The following UBE3C variants were observed in gnomAD, a reference collection of about 807,000 sequenced individuals.
UBE3C encodes the protein ubiquitin-protein ligase E3C.
A neutral mutation model predicts 129.4 loss-of-function variants in UBE3C; 42 were observed. The observed-to-expected ratio is 0.32, with a 90% CI of 0.25 to 0.42. The LOEUF is 0.42. Among genes scored for constraint, UBE3C ranks in the 10% least tolerant of loss-of-function variants. The probability of loss-of-function intolerance (pLI) is 1.00; values close to 1 mark genes in which losing one functional copy is unlikely to be tolerated. For synonymous variants in UBE3C, 510 were observed against 492.4 expected, an observed-to-expected ratio of 1.04 and a Z score of -0.47; for missense variants, 1,049 against 1,319.1, an observed-to-expected ratio of 0.80 and a Z score of 3.17.
At chr7:157,146,410 C>T (rs1236394871) in intron 1 of UBE3C, among the ~76,000 whole-genome samples, 2 of 151,734 alleles carry the variant, frequency 1.3e-5, no homozygotes, top group Admixed American at 6.6e-5. Flanking sequence ...CTAGTACAGA[C>T]GGGGGTTTCA....
intron 4 of UBE3C, among the ~76,000 whole-genome samples, chr7:157,171,218 C>T (rs554774748): frequency 4.6e-5 from 7 of 152,204 alleles, no homozygotes; most frequent in East Asian, 1.9e-4. Flanking sequence ...CTTCCCCTCC[C>T]GGGCTCAAGC....
At chr7:157,192,911 G>T in intron 10 of UBE3C, 1 of 692,450 alleles carries the variant, frequency 1.4e-6, no homozygotes. Flanking sequence ...TTGAGGTAGT[G>T]AATGCCACTT....
chr7:157,219,289 T>G (rs1015534073), intron 14 of UBE3C, among the ~76,000 whole-genome samples: 1 of 152,184 alleles, frequency 6.6e-6, no homozygotes, highest in Non-Finnish European at 1.5e-5. Context: ...TGCTTAGTGA[T>G]TTAATTGATT....
At chr7:157,149,942 G>A (rs1030155798) in intron 1 of UBE3C, among the ~76,000 whole-genome samples, 2 of 152,122 alleles carry the variant, frequency 1.3e-5, no homozygotes, top group Non-Finnish European at 2.9e-5. Flanking sequence ...TTTACCATTT[G>A]TCAGCATGAA....
At chr7:157,144,874 A>G (rs1807562811) in intron 1 of UBE3C, among the ~76,000 whole-genome samples, 1 of 152,156 alleles carries the variant, frequency 6.6e-6, no homozygotes. Flanking sequence ...TGAAGTCCAT[A>G]GTGTACATTC....
rs192005607 is a variant in UBE3C at position 157,171,423 on chromosome 7, C to G, written c.342+973C>G. On this transcript the variant is annotated intron_variant, in intron 4 of 22. Coordinates refer to ENST00000348165, the MANE Select transcript of UBE3C (RefSeq NM_014671.3). ...AATTATAAGCATAAGCCACCATGCCCAGCCTTAGGGTCTCATGTTTTTAAA... is the reference window on the plus strand; with the variant it reads ...AATTATAAGCATAAGCCACCATGCCGAGCCTTAGGGTCTCATGTTTTTAAA... 2.0e-3 allele frequency among the ~76,000 whole-genome samples: 298 copies of G among 151,976 alleles called. 1 individual carries two copies. Among genetic ancestry groups the G allele is most frequent in the African/African-American group, 6.6e-3 (275 of 41,466 alleles).
At chr7:157,240,869 A>G (rs907763779) in intron 18 of UBE3C, among the ~76,000 whole-genome samples, 2 of 152,344 alleles carry the variant, frequency 1.3e-5, no homozygotes, top group East Asian at 1.9e-4. Context: ...AGGGACAGCC[A>G]GGATGGTAGA....
At chr7:157,219,909 A>G (rs1036217116) in intron 14 of UBE3C, among the ~76,000 whole-genome samples, 6 of 152,068 alleles carry the variant, frequency 3.9e-5, no homozygotes, top group African/African-American at 1.4e-4. Context: ...TCTAAAAAAA[A>G]AAAAAAAATT....
At chr7:157,171,660 T>TTATATATATATATATATA (rs201782129) in intron 4 of UBE3C, among the ~76,000 whole-genome samples, 46 of 67,870 alleles carry the variant, frequency 6.8e-4, no homozygotes, top group South Asian at 1.7e-3. Flanking sequence ...TTTAAATATT[T>TTATATATATATATATATA]TATATATATA....
In UBE3C at chr7:157,220,203, C is replaced by T. The variant is rs758022338; in HGVS notation, c.1915-486C>T. Among the ~76,000 whole-genome samples the T allele has an allele frequency of 8.0e-5, 12 of 150,904 alleles. 1 individual carries two copies. Among genetic ancestry groups the T allele is most frequent in the African/African-American group, 1.2e-4 (5 of 40,970 alleles). Reference sequence around the variant, plus strand: ...TCCAGCCTGGGTGACAGAGTGAGACCGTGTATCAAAAAATAAAAAATTGTA... The same window carrying T: ...TCCAGCCTGGGTGACAGAGTGAGACTGTGTATCAAAAAATAAAAAATTGTA... On this transcript the variant is annotated intron_variant, in intron 14 of 22. Coordinates refer to ENST00000348165, the MANE Select transcript of UBE3C (RefSeq NM_014671.3).
chr7:157,248,455 C>A lies in UBE3C; in HGVS notation c.2569C>A (p.His857Asn). Reference sequence around the variant, plus strand: ...TGGAACCAGTGCCGACGTGGACATTCACCACCTCGCCTCCCTAGACCCTGA... The same window carrying A: ...TGGAACCAGTGCCGACGTGGACATTAACCACCTCGCCTCCCTAGACCCTGA... Reference protein sequence around the residue: ...LLGTSADVDIHHLASLDPEVY... With the variant: ...LLGTSADVDINHLASLDPEVY... Residue 857 changes from histidine (H) to asparagine (N), a missense_variant, in exon 19 of 23, where the codon CAC (histidine) becomes AAC (asparagine). Physicochemically the swap from His to Asn is moderately conservative, Grantham distance 68 (BLOSUM62 1). Transcript: ENST00000348165. 3.1e-6 allele frequency: 5 copies of A among 1,613,658 alleles called. No homozygotes were observed. Among genetic ancestry groups the A allele is most frequent in the Non-Finnish European group, 4.2e-6 (5 of 1,180,014 alleles).
intron 1 of UBE3C, among the ~76,000 whole-genome samples, chr7:157,162,864 C>T (rs1353716236): frequency 6.6e-6 from 1 of 152,122 alleles, no homozygotes. Flanking sequence ...AATAAAATGT[C>T]CATACACTAA....
At chr7:157,198,055 G>T (rs1296099113) in intron 10 of UBE3C, 1 of 1,607,876 alleles carries the variant, frequency 6.2e-7, no homozygotes, top group Admixed American at 1.7e-5. Flanking sequence ...AGCTCCAGGG[G>T]GATCTCTCCT....
chr7:157,195,855 A>AGGGGT, intron 10 of UBE3C, among the ~76,000 whole-genome samples: 1 of 147,942 alleles, frequency 6.8e-6, no homozygotes, highest in African/African-American at 2.7e-5. Flanking sequence ...CTTTTAACAC[A>AGGGGT]GGGGTGGAGT....
chr7:157,171,095 G>T (rs1462338483), intron 4 of UBE3C, among the ~76,000 whole-genome samples: 1 of 148,390 alleles, frequency 6.7e-6, no homozygotes, highest in East Asian at 2.0e-4. Context: ...TTATAGGCGT[G>T]AGCCACTGTA....
chr7:157,154,226 C>T (rs374543621), intron 1 of UBE3C, among the ~76,000 whole-genome samples: 4 of 151,274 alleles, frequency 2.6e-5, no homozygotes, highest in South Asian at 2.1e-4. Flanking sequence ...GAGACTGAGG[C>T]GGAGAATTGC....
intron 21 of UBE3C, chr7:157,256,567 G>A (rs1033810189): frequency 1.2e-5 from 2 of 167,038 alleles, no homozygotes; most frequent in African/African-American, 4.8e-5. Context: ...TTTACAATCG[G>A]TCCTTCATAT....
intron 1 of UBE3C, among the ~76,000 whole-genome samples, chr7:157,145,560 C>T (rs1379269408): frequency 2.0e-5 from 3 of 152,100 alleles, no homozygotes; most frequent in African/African-American, 4.8e-5. Flanking sequence ...ATTCATCCAT[C>T]CCTCCCATCC....
At chr7:157,150,809 A>G (rs1807736688) in intron 1 of UBE3C, among the ~76,000 whole-genome samples, 1 of 152,244 alleles carries the variant, frequency 6.6e-6, no homozygotes, top group Admixed American at 6.5e-5. Context: ...TGAATAAAAG[A>G]AAGATACTAG....
Sources: allele counts gnomAD v4.1 joint callset (sites outside exome capture counted in the v4.1 genomes callset), GRCh38; gene constraint gnomAD v4.1.1; transcripts MANE v1.5; gene names NCBI Gene and HGNC (gene_info 2026-07-23, HGNC 2026-07-21).